The following TRANK1 variants were observed in gnomAD, a reference collection of about 807,000 sequenced individuals.
TRANK1 encodes the protein tetratricopeptide repeat and ankyrin repeat containing 1.
A neutral mutation model predicts 266.0 loss-of-function variants in TRANK1; 198 were observed. The observed-to-expected ratio is 0.74, with a 90% CI of 0.66 to 0.84. TRANK1 has a LOEUF of 0.84. TRANK1 is among the 40% of genes least tolerant of loss of function. The pLI is 0.00. For missense variants in TRANK1, 3,326 were observed against 3,634.6 expected (o/e 0.92, Z 2.18); for synonymous variants, 1,396 against 1,384.1 (o/e 1.01, Z -0.19).
intron 1 of TRANK1, among the ~76,000 whole-genome samples, chr3:36,926,723 G>A (rs2080293346): frequency 6.6e-6 from 1 of 152,096 alleles, no homozygotes; most frequent in Admixed American, 6.5e-5. Flanking sequence ...TCTATGGTTG[G>A]GAAACAACAA....
At chr3:36,883,643 T>C (rs947898758) in intron 8 of TRANK1, among the ~76,000 whole-genome samples, 2 of 151,812 alleles carry the variant, frequency 1.3e-5, no homozygotes, top group African/African-American at 4.8e-5. Flanking sequence ...TCTATAAGGC[T>C]GGATGGGCAG....
chr3:36,850,460 C>T, intron 15 of TRANK1: 4 of 985,394 alleles, frequency 4.1e-6, no homozygotes, highest in Non-Finnish European at 4.8e-6. Context: ...GAGAAATGTA[C>T]TAATCTCAGT....
chr3:36,888,661 C>A (rs1343948091), intron 8 of TRANK1, among the ~76,000 whole-genome samples: 1 of 152,162 alleles, frequency 6.6e-6, no homozygotes. Flanking sequence ...ACCCACCAGA[C>A]CAGAAGTCCC....
chr3:36,877,378 T>C (rs2079405096), intron 8 of TRANK1, among the ~76,000 whole-genome samples: 2 of 152,158 alleles, frequency 1.3e-5, no homozygotes, highest in Non-Finnish European at 2.9e-5. Flanking sequence ...TTTTAATATA[T>C]TTAAAATTTA....
intron 1 of TRANK1, among the ~76,000 whole-genome samples, chr3:36,920,778 T>G (rs962241917): frequency 6.6e-6 from 1 of 152,118 alleles, no homozygotes; most frequent in African/African-American, 2.4e-5. Flanking sequence ...GAGCCATCAA[T>G]TTGGGGAGAA....
In TRANK1 at chr3:36,889,923, C is replaced by A. The variant is rs573658110; in HGVS notation, c.813G>T (p.Lys271Asn). The A allele has an allele frequency of 1.7e-5, 26 of 1,537,174 alleles. No homozygotes were observed. The highest frequency in any genetic ancestry group is 2.2e-5 in the Non-Finnish European group (25 of 1,146,898). Residue 271 changes from lysine (K) to asparagine (N), a missense_variant, in exon 8 of 24, where the codon AAG becomes AAT. By Grantham distance (94) the Lys-to-Asn change is moderately conservative. Transcript: ENST00000645898. Reference protein sequence around the residue: ...NHLFRWLMDHKPEWKGRINQK... With the variant: ...NHLFRWLMDHNPEWKGRINQK... ...GGTTAATGCGGCCTTTCCACTCGGG[C>A]TTGTGATCCATTAACCACCGGAAAA...
intron 17 of TRANK1, among the ~76,000 whole-genome samples, chr3:36,843,625 G>A (rs955847509): frequency 6.6e-6 from 1 of 150,492 alleles, no homozygotes; most frequent in Admixed American, 6.6e-5. Flanking sequence ...CTAGACAATG[G>A]GTGACAATCC....
intron 9 of TRANK1, among the ~76,000 whole-genome samples, chr3:36,868,656 A>C (rs1254247361): frequency 6.6e-6 from 1 of 152,222 alleles, no homozygotes; most frequent in East Asian, 1.9e-4. Context: ...TCACAAACAC[A>C]TTAATTTTTT....
At chr3:36,944,415 G>A (rs1467657193) in intron 1 of TRANK1, among the ~76,000 whole-genome samples, 1 of 152,194 alleles carries the variant, frequency 6.6e-6, no homozygotes, top group Non-Finnish European at 1.5e-5. Flanking sequence ...TGCTTGCCCC[G>A]GGGGCGCGCT....
At chr3:36,943,486 C>A in intron 1 of TRANK1, among the ~76,000 whole-genome samples, 1 of 130,218 alleles carries the variant, frequency 7.7e-6, no homozygotes, top group Non-Finnish European at 1.6e-5. Flanking sequence ...ACCCACCCCC[C>A]CACCCCCCGC....
intron 23 of TRANK1, among the ~76,000 whole-genome samples, chr3:36,828,638 G>C (rs1258721228): frequency 6.6e-6 from 1 of 152,134 alleles, no homozygotes; most frequent in African/African-American, 2.4e-5. Context: ...TTTGAGTACT[G>C]ATGACTCCCA....
chr3:36,865,354 G>A (rs1268991576), intron 9 of TRANK1, among the ~76,000 whole-genome samples: 2 of 152,118 alleles, frequency 1.3e-5, no homozygotes, highest in East Asian at 3.9e-4. Flanking sequence ...ACGAAAATTG[G>A]AGTATTTTGT....
intron 2 of TRANK1, 127 bp from the exon 3 acceptor site, chr3:36,903,402 C>G: frequency 5.0e-6 from 6 of 1,196,560 alleles, no homozygotes; most frequent in Non-Finnish European, 6.9e-6. Context: ...CTCATTCATG[C>G]TTATCAGATC....
rs58733233 is a variant in TRANK1 at position 36,918,552 on chromosome 3, A to T, written c.24-10098T>A. On this transcript the variant is annotated intron_variant, in intron 1 of 23. Coordinates refer to ENST00000645898, the MANE Select transcript of TRANK1 (RefSeq NM_001329998.2). ...GAAAGAAGGAAGGAAGGAAGGAAGG[A>T]AGGAAGGAAGGTAGGAAGGAAGGAA... Among the ~76,000 whole-genome samples, 277 of 50,240 alleles carry T rather than the reference A, an allele frequency of 5.5e-3. 8 individuals are homozygous for T. Among genetic ancestry groups the T allele is most frequent in the South Asian group, 0.023 (32 of 1,382 alleles). 33.0% of individuals were successfully genotyped at this position (50,240 alleles called of 152,430 possible).
At position 36,831,210 on chromosome 3, in the gene TRANK1, C is replaced by T; in HGVS notation, c.8373G>A (p.Glu2791=). 1 of 1,613,942 alleles carries T rather than the reference C, an allele frequency of 6.2e-7. No individual in the cohort carries two copies. The highest frequency in any genetic ancestry group is 8.5e-7 in the Non-Finnish European group (1 of 1,179,896). ...ENYFSPSKAF[E]GAASEVAVLS... ...GGACTGCCACCTCGGAAGCTGCCCCCTCAAACGCTTTGCTGGGGCTGAAAT... is the reference window on the plus strand; with the variant it reads ...GGACTGCCACCTCGGAAGCTGCCCCTTCAAACGCTTTGCTGGGGCTGAAAT... Residue 2791 remains glutamate (E), a synonymous_variant, in exon 22 of 24, where the codon GAG becomes GAA. Coordinates refer to ENST00000645898, the MANE Select transcript of TRANK1 (RefSeq NM_001329998.2). The surrounding 1 kb of genome is among the most constrained non-coding windows in gnomAD (Gnocchi z 5.0).
At chr3:36,895,588 T>G in intron 5 of TRANK1, 52 bp downstream of exon 5, 1 of 1,120,922 alleles carries the variant, frequency 8.9e-7, no homozygotes, top group Non-Finnish European at 1.2e-6. Context: ...TGGAAAGGAA[T>G]CATTTCATCA....
chr3:36,930,393 C>T (rs780563904), intron 1 of TRANK1, among the ~76,000 whole-genome samples: 3 of 152,096 alleles, frequency 2.0e-5, no homozygotes, highest in Non-Finnish European at 4.4e-5. Flanking sequence ...CAGACTTTCC[C>T]GGTAGGAACT....
chr3:36,863,381 A>C (rs545552034), intron 10 of TRANK1, among the ~76,000 whole-genome samples: 1 of 152,356 alleles, frequency 6.6e-6, no homozygotes, highest in Non-Finnish European at 1.5e-5. Flanking sequence ...ATCAAATGAC[A>C]TTAAGTCCAA....
chr3:36,848,292 A>G (rs775622464), intron 15 of TRANK1, among the ~76,000 whole-genome samples: 30 of 152,310 alleles, frequency 2.0e-4, no homozygotes, highest in Admixed American at 9.2e-4. Context: ...GCCATTTAAA[A>G]ATGTGAAAAT....
Sources: gnomAD v4.1 joint callset for allele counts (sites outside exome capture counted in the v4.1 genomes callset) on GRCh38, gnomAD v4.1.1 for gene constraint, Gnocchi (gnomAD v3.1) non-coding constraint, MANE v1.5 for transcripts, NCBI Gene and HGNC (gene_info 2026-07-23, HGNC 2026-07-21) for gene names.